Variants in CDH18 observed in about 807,000 individuals in gnomAD.
The protein encoded by CDH18 is cadherin-18.
CDH18 carries 31 observed loss-of-function variants against 67.9 expected under a neutral mutation model. That is an observed-to-expected ratio of 0.46 (90% confidence interval 0.34 to 0.62). The LOEUF (loss-of-function observed/expected upper bound fraction) is 0.62, where lower values mean the gene tolerates loss of function less well. CDH18 is among the 20% of genes least tolerant of loss of function. The probability of loss-of-function intolerance (pLI) is 0.01; values close to 1 mark genes in which losing one functional copy is unlikely to be tolerated. For missense variants in CDH18, 890 were observed against 975.5 expected, an observed-to-expected ratio of 0.91 and a Z score of 1.17; for synonymous variants, 362 against 347.2, an observed-to-expected ratio of 1.04 and a Z score of -0.48.
intron 1 of CDH18, among the ~76,000 whole-genome samples, chr5:20,444,663 C>T (rs1749871777): frequency 6.6e-6 from 1 of 152,154 alleles, no homozygotes; most frequent in Admixed American, 6.5e-5. Flanking sequence ...GTATGGAATC[C>T]ATTGAAATTT....
intron 1 of CDH18, among the ~76,000 whole-genome samples, chr5:20,481,689 T>C (rs1176112580): frequency 6.6e-6 from 1 of 152,060 alleles, no homozygotes; most frequent in African/African-American, 2.4e-5. Flanking sequence ...TTAAACGACA[T>C]GCTCCTAAAA....
At chr5:20,120,293 A>T (rs1385076659) in intron 2 of CDH18, among the ~76,000 whole-genome samples, 1 of 152,166 alleles carries the variant, frequency 6.6e-6, no homozygotes, top group Non-Finnish European at 1.5e-5. Flanking sequence ...CTAAAGCAAG[A>T]ATAGTGAGAG....
intron 2 of CDH18, among the ~76,000 whole-genome samples, chr5:20,226,536 AT>A (rs1741643936): frequency 6.6e-6 from 1 of 152,094 alleles, no homozygotes; most frequent in Non-Finnish European, 1.5e-5. Context: ...CAGTAAAATA[AT>A]TGTCGTTTTA....
At chr5:19,519,072 C>T (rs1000077412) in intron 10 of CDH18, among the ~76,000 whole-genome samples, 10 of 152,168 alleles carry the variant, frequency 6.6e-5, no homozygotes, top group African/African-American at 2.4e-4. Flanking sequence ...TGTGTTCAGC[C>T]TTTGAAAGCC....
At chr5:20,392,069 C>T (rs1028435742) in intron 1 of CDH18, among the ~76,000 whole-genome samples, 2 of 151,632 alleles carry the variant, frequency 1.3e-5, no homozygotes, top group East Asian at 1.9e-4. Flanking sequence ...AAATGTAATA[C>T]TTGTATTTAT....
chr5:19,873,849 T>C (rs1233402812), intron 2 of CDH18, among the ~76,000 whole-genome samples: 2 of 152,074 alleles, frequency 1.3e-5, no homozygotes, highest in Non-Finnish European at 2.9e-5. Context: ...GGTTTCACCA[T>C]GTTGCCCAGG....
intron 1 of CDH18, among the ~76,000 whole-genome samples, chr5:20,544,710 G>A (rs577428195): frequency 1.1e-4 from 16 of 152,264 alleles, no homozygotes; most frequent in South Asian, 4.1e-4. Flanking sequence ...CACCCTCAAC[G>A]TGTGAGGATT....
intron 2 of CDH18, among the ~76,000 whole-genome samples, chr5:20,051,000 G>GTATTGTAAT (rs1313025331): frequency 6.6e-6 from 1 of 151,760 alleles, no homozygotes; most frequent in East Asian, 1.9e-4. Context: ...AGGCAATGGA[G>GTATTGTAAT]TATTGTAATA....
At chr5:20,037,998 T>TA (rs574276214) in intron 2 of CDH18, among the ~76,000 whole-genome samples, 4 of 151,598 alleles carry the variant, frequency 2.6e-5, no homozygotes, top group South Asian at 4.2e-4. Flanking sequence ...ATAGACAAAA[T>TA]AAAAAATCAT....
intron 12 of CDH18, among the ~76,000 whole-genome samples, chr5:19,480,487 C>T (rs938165072): frequency 2.0e-5 from 3 of 151,658 alleles, no homozygotes; most frequent in Non-Finnish European, 2.9e-5. Flanking sequence ...ACGCCATTCT[C>T]CTGCCTCAGC....
At chr5:19,842,623 C>A (rs571959860) in intron 2 of CDH18, among the ~76,000 whole-genome samples, 5 of 152,176 alleles carry the variant, frequency 3.3e-5, no homozygotes, top group African/African-American at 1.2e-4. Context: ...TAATACAATA[C>A]ATTTTACCAG....
intron 1 of CDH18, among the ~76,000 whole-genome samples, chr5:20,414,192 G>A (rs111468520): frequency 7.9e-5 from 12 of 152,206 alleles, no homozygotes; most frequent in Non-Finnish European, 1.5e-4. Flanking sequence ...TGATTACTGG[G>A]AAAATAAAAC....
chr5:19,476,470 G>C (rs1738489870), intron 12 of CDH18, among the ~76,000 whole-genome samples: 1 of 151,932 alleles, frequency 6.6e-6, no homozygotes, highest in South Asian at 2.1e-4. Flanking sequence ...GCTGAACATA[G>C]GAAATATGCA....
rs531010420 is a variant in CDH18 at position 19,936,101 on chromosome 5, A to G, written c.-257+44959T>C. Among the ~76,000 whole-genome samples the G allele has an allele frequency of 3.3e-5, 5 of 151,364 alleles. No homozygotes were observed. In the South Asian group the frequency reaches 1.0e-3, roughly 31 times the overall value. On this transcript the variant is annotated intron_variant, in intron 2 of 12. Transcript: ENST00000382275. ...TCTTAACACTGAGGCTTTAAGTTTTAATAATTCTGTTATTCTCAGTAACAC... is the reference window on the plus strand; with the variant it reads ...TCTTAACACTGAGGCTTTAAGTTTTGATAATTCTGTTATTCTCAGTAACAC...
Position 19,571,699 on chromosome 5 carries a change from T to C in CDH18, c.1133A>G (p.Asp378Gly). 1.2e-6 allele frequency: 2 copies of C among 1,614,028 alleles called. No homozygotes were observed. The highest frequency in any genetic ancestry group is 1.3e-5 in the African/African-American group (1 of 75,040). ...AGGCATGGAAAATAGTGGTGGTTCA[T>C]CTACATCCCCAACAATGATCTTCAG... The part of the protein sequence containing the change: ...TMLKIIVGDV[D>G]EPPLFSMPSY... Residue 378 changes from aspartate (D) to glycine (G), a missense_variant, in exon 8 of 13, where the codon GAT becomes GGT. Transcript: ENST00000382275.
rs1773611210 is a variant in CDH18, at chr5:19,770,523, A to C, written c.229-23287T>G. Reference sequence around the variant, plus strand: ...TGTGACAATATAATTTAACAGAAACAAAGAGATTATTCTATCCCCAGAATT... The same window carrying C: ...TGTGACAATATAATTTAACAGAAACCAAGAGATTATTCTATCCCCAGAATT... On this transcript the variant is annotated intron_variant, in intron 3 of 12. Transcript: ENST00000382275. 2.0e-5 allele frequency among the ~76,000 whole-genome samples: 3 copies of C among 152,182 alleles called. No homozygotes were observed. In the South Asian group the frequency reaches 6.2e-4, roughly 32 times the overall value.
chr5:19,593,796 G>T (rs1745729357), intron 6 of CDH18, among the ~76,000 whole-genome samples: 1 of 136,506 alleles, frequency 7.3e-6, no homozygotes, highest in Non-Finnish European at 1.6e-5. Context: ...GTTTTATTTT[G>T]GAAATAAGCC....
At chr5:19,742,080 C>CTTACATTA (rs1769285182) in intron 4 of CDH18, among the ~76,000 whole-genome samples, 1 of 152,120 alleles carries the variant, frequency 6.6e-6, no homozygotes, top group African/African-American at 2.4e-5. Flanking sequence ...GAAACCACTT[C>CTTACATTA]AGTTTATTTT....
intron 5 of CDH18, among the ~76,000 whole-genome samples, chr5:19,691,337 A>G (rs893570013): frequency 2.0e-5 from 3 of 151,908 alleles, no homozygotes; most frequent in African/African-American, 7.2e-5. Context: ...GGAAAAAGAC[A>G]AGATGCCCAC....
Sources: gnomAD v4.1 joint callset for allele counts (sites outside exome capture counted in the v4.1 genomes callset) on GRCh38, gnomAD v4.1.1 for gene constraint, MANE v1.5 for transcripts, NCBI Gene and HGNC (gene_info 2026-07-23, HGNC 2026-07-21) for gene names.